Variants in DEPDC4 observed in about 807,000 individuals in gnomAD.
DEPDC4 encodes the protein DEP domain-containing protein 4.
DEPDC4 carries 52 observed loss-of-function variants against 52.0 expected under a neutral mutation model. That is an observed-to-expected ratio of 1.00 (90% CI 0.80 to 1.26). The LOEUF (loss-of-function observed/expected upper bound fraction) is 1.26. DEPDC4 is among the 50% of genes most tolerant of loss of function. The pLI is 0.00. For synonymous variants in DEPDC4, 201 were observed against 196.8 expected, an observed-to-expected ratio of 1.02 and a Z score of -0.18; for missense variants, 530 against 546.9, an observed-to-expected ratio of 0.97 and a Z score of 0.31.
chr12:100,276,723 CCT>C, the DEPDC4 span, among the ~76,000 whole-genome samples: 1 of 151,560 alleles, frequency 6.6e-6, no homozygotes, highest in African/African-American at 2.4e-5. Flanking sequence ...GGATTTTTTT[CCT>C]CTTTTTCATT....
rs546406091 is a variant in DEPDC4 at position 100,257,524 on chromosome 12, C to T, written c.701-1298G>A. ...CCGAGTAGCTGGGATTACAGGCATG[C>T]GCCACCACGCCCAGCTAATTTTGTA... is the stretch of plus-strand genomic sequence containing the variant. On this transcript the variant is annotated intron_variant, in intron 3 of 9. Transcript: ENST00000550587. Among the ~76,000 whole-genome samples the T allele has an allele frequency of 5.3e-5, 8 of 152,200 alleles. No individual in the cohort carries two copies. In the South Asian group the frequency reaches 6.2e-4, roughly 12 times the overall value.
chr12:100,268,857 C>T (rs1459820053), upstream of DEPDC4, among the ~76,000 whole-genome samples: 2 of 152,178 alleles, frequency 1.3e-5, no homozygotes, highest in East Asian at 1.9e-4. Flanking sequence ...TGAAGTTTGA[C>T]AATTCCTCTG....
upstream of DEPDC4, among the ~76,000 whole-genome samples, chr12:100,269,563 C>T (rs1421799947): frequency 1.3e-5 from 2 of 152,108 alleles, no homozygotes; most frequent in Non-Finnish European, 2.9e-5. Context: ...TTGTACTAAA[C>T]ATTTTATCTT....
chr12:100,248,648 G>C (rs909100673), intron 8 of DEPDC4, among the ~76,000 whole-genome samples: 1 of 152,300 alleles, frequency 6.6e-6, no homozygotes, highest in East Asian at 1.9e-4. Flanking sequence ...GATAATTGAA[G>C]GGGAGGTGAG....
At chr12:100,248,725 T>C (rs553597475) in intron 8 of DEPDC4, among the ~76,000 whole-genome samples, 175 bp downstream of exon 8, 1 of 152,146 alleles carries the variant, frequency 6.6e-6, no homozygotes, top group South Asian at 2.1e-4. Context: ...ATAAAGGGTT[T>C]CAAAAAAGAA....
intron 9 of DEPDC4, among the ~76,000 whole-genome samples, chr12:100,234,584 TAGA>T (rs148192275): frequency 0.063 from 9,632 of 152,210 alleles, 333 homozygotes; most frequent in Middle Eastern, 0.14. Context: ...CAGATGGGAC[TAGA>T]AGAAGATTCA....
At position 100,263,575 on chromosome 12, in the gene DEPDC4, C is replaced by T; in HGVS notation, c.476G>A (p.Arg159Lys). Residue 159 changes from arginine to lysine, a missense_variant, in exon 2 of 10, where the codon AGG becomes AAG. Transcript: ENST00000550587. The part of the protein sequence containing the change: ...EFEDSNISLY[R>K]FLGNKSSYDC... ...GTAAGATGATTTATTGCCTAGAAACCTGTAGAGACTAATGTTGGAATCTTC... is the reference window on the plus strand; with the variant it reads ...GTAAGATGATTTATTGCCTAGAAACTTGTAGAGACTAATGTTGGAATCTTC... 1.2e-6 allele frequency: 2 copies of T among 1,613,528 alleles called. No homozygotes were observed. Among genetic ancestry groups the T allele is most frequent in the Admixed American group, 1.7e-5 (1 of 59,916 alleles).
At chr12:100,271,953 C>T (rs1354983461), upstream of DEPDC4, among the ~76,000 whole-genome samples, 2 of 152,146 alleles carry the variant, frequency 1.3e-5, no homozygotes, top group Non-Finnish European at 2.9e-5. Flanking sequence ...GAAAGAATTG[C>T]CAGTTCCTTT....
downstream of DEPDC4, among the ~76,000 whole-genome samples, chr12:100,235,527 C>T (rs773712278): frequency 2.0e-5 from 3 of 151,840 alleles, no homozygotes; most frequent in Non-Finnish European, 4.4e-5. Context: ...ATCCCTTACC[C>T]CTTTCCCACC....
intron 3 of DEPDC4, among the ~76,000 whole-genome samples, chr12:100,259,129 A>T (rs1251790301): frequency 2.0e-5 from 3 of 151,928 alleles, no homozygotes; most frequent in Non-Finnish European, 1.5e-5. Context: ...CTACTAGAAA[A>T]TGTGTGCCAC....
chr12:100,231,953 A>T (rs1402492371), intron 9 of DEPDC4, among the ~76,000 whole-genome samples: 2 of 152,194 alleles, frequency 1.3e-5, no homozygotes, highest in Non-Finnish European at 2.9e-5. Flanking sequence ...TCAGAAAAAA[A>T]AAAAGAATTA....
chr12:100,277,430 G>A, the DEPDC4 span, among the ~76,000 whole-genome samples: 6 of 152,042 alleles, frequency 3.9e-5, no homozygotes, highest in East Asian at 3.8e-4. Context: ...CATTTATTTC[G>A]AAGTTCTCTT....
chr12:100,244,140 A>C (rs1226507163), intron 8 of DEPDC4, among the ~76,000 whole-genome samples: 5 of 110,374 alleles, frequency 4.5e-5, no homozygotes, highest in Admixed American at 2.0e-4. Flanking sequence ...TATATACACA[A>C]AATACAATAA....
chr12:100,239,784 G>GT (rs1351962186), downstream of DEPDC4, among the ~76,000 whole-genome samples: 3 of 151,866 alleles, frequency 2.0e-5, no homozygotes, highest in South Asian at 2.1e-4. Context: ...GCTCACAACT[G>GT]TAATTCCAGC....
chr12:100,268,462 A>C (rs1294382996), upstream of DEPDC4, among the ~76,000 whole-genome samples: 1 of 152,224 alleles, frequency 6.6e-6, no homozygotes, highest in Non-Finnish European at 1.5e-5. Flanking sequence ...TTTAAAAATG[A>C]AATCAGCTGA....
chr12:100,274,620 T>C, the DEPDC4 span, among the ~76,000 whole-genome samples: 1 of 152,038 alleles, frequency 6.6e-6, no homozygotes, highest in African/African-American at 2.4e-5. Context: ...TGCATCCCCC[T>C]CCTCCCACAA....
chr12:100,266,207 T>C (rs1439551668), intron 1 of DEPDC4, among the ~76,000 whole-genome samples: 1 of 152,180 alleles, frequency 6.6e-6, no homozygotes, highest in Non-Finnish European at 1.5e-5. Context: ...TCTCCAACTA[T>C]GCATAACCGC....
chr12:100,247,201 GTTTTTTTTTTT>G lies in DEPDC4; in HGVS notation c.1453+1688_1453+1698del, dbSNP rs869121983. 7.2e-3 allele frequency among the ~76,000 whole-genome samples: 516 copies of G among 71,738 alleles called. 5 individuals carry two copies. The highest frequency in any genetic ancestry group is 0.029 in the African/African-American group (503 of 17,190). The allele number at this position is 71,738 out of a possible 152,430, so 47.1% of individuals were successfully genotyped here. On this transcript the variant is annotated intron_variant, in intron 8 of 9. Coordinates refer to ENST00000550587, the MANE Select transcript of DEPDC4 (RefSeq NM_001364818.2). ...CTTATATTTATAATCTCCCCTTAGTGTTTTTTTTTTTTTTTTTTTTTTTTTGAGACAGAGTC... is the reference window on the plus strand; with the variant it reads ...CTTATATTTATAATCTCCCCTTAGTGTTTTTTTTTTTTTTGAGACAGAGTC...
At chr12:100,281,062 G>C in the DEPDC4 span, among the ~76,000 whole-genome samples, 4 of 123,402 alleles carry the variant, frequency 3.2e-5, no homozygotes, top group Admixed American at 3.7e-4. Context: ...ATAGAGCCTG[G>C]CTGTCACCCA....
Sources: gnomAD v4.1 joint callset for allele counts (sites outside exome capture counted in the v4.1 genomes callset) on GRCh38, gnomAD v4.1.1 for gene constraint, MANE v1.5 for transcripts, NCBI Gene and HGNC (gene_info 2026-07-23, HGNC 2026-07-21) for gene names.